SCFD2: variants seen among roughly 807,000 people sequenced by gnomAD.
SCFD2 encodes the protein sec1 family domain containing 2.
In SCFD2, 54 loss-of-function variants were observed where a neutral mutation model predicts 58.9. The ratio of observed to expected loss-of-function variants is 0.92; its 90% CI spans 0.74 to 1.15. The LOEUF (loss-of-function observed/expected upper bound fraction) is 1.15. SCFD2 is among the 50% of genes most tolerant of loss of function. The probability of loss-of-function intolerance (pLI) is 0.00; values close to 1 mark genes in which losing one functional copy is unlikely to be tolerated. For synonymous variants in SCFD2, 321 were observed against 335.9 expected, an observed-to-expected ratio of 0.96 and a Z score of 0.49; for missense variants, 805 against 836.6, an observed-to-expected ratio of 0.96 and a Z score of 0.47.
At chr4:53,302,991 A>G (rs1208430959) in intron 3 of SCFD2, among the ~76,000 whole-genome samples, 2 of 152,340 alleles carry the variant, frequency 1.3e-5, no homozygotes, top group African/African-American at 4.8e-5. Flanking sequence ...CTAAAACCAT[A>G]AAAACCCTAG....
chr4:53,016,112 G>C (rs900482626), intron 5 of SCFD2, among the ~76,000 whole-genome samples: 5 of 152,118 alleles, frequency 3.3e-5, no homozygotes, highest in African/African-American at 1.2e-4. Context: ...AAACAAACAA[G>C]CACATAAAAT....
intron 2 of SCFD2, among the ~76,000 whole-genome samples, chr4:53,343,172 C>T (rs960153403): frequency 2.0e-5 from 3 of 152,082 alleles, no homozygotes; most frequent in African/African-American, 4.8e-5. Context: ...AATCCAGGAG[C>T]TGGTTTTCTG....
At chr4:53,230,003 CA>C (rs1246474171) in intron 4 of SCFD2, among the ~76,000 whole-genome samples, 1 of 151,848 alleles carries the variant, frequency 6.6e-6, no homozygotes, top group Non-Finnish European at 1.5e-5. Context: ...TTTATGCAGC[CA>C]AAAAAACACA....
intron 4 of SCFD2, among the ~76,000 whole-genome samples, chr4:53,212,047 C>A (rs1728628792): frequency 6.6e-6 from 1 of 152,184 alleles, no homozygotes; most frequent in East Asian, 1.9e-4. Context: ...TTCCCTTCTT[C>A]AGTTACCTTA....
intron 4 of SCFD2, among the ~76,000 whole-genome samples, chr4:53,257,859 C>A (rs1387038691): frequency 6.6e-6 from 1 of 151,820 alleles, no homozygotes; most frequent in East Asian, 1.9e-4. Flanking sequence ...CTGCATTATG[C>A]ATGCTCTCTT....
chr4:52,963,637 T>C (rs1006562178), intron 5 of SCFD2, among the ~76,000 whole-genome samples: 1 of 152,204 alleles, frequency 6.6e-6, no homozygotes, highest in African/African-American at 2.4e-5. Flanking sequence ...CTCCATCAAA[T>C]GAACTCAAAT....
intron 4 of SCFD2, among the ~76,000 whole-genome samples, chr4:53,177,679 G>A (rs1402560608): frequency 1.3e-5 from 2 of 152,212 alleles, no homozygotes; most frequent in Non-Finnish European, 2.9e-5. Context: ...GGCAGTGGGT[G>A]CAGCGCACCG....
chr4:52,892,858 C>G (rs755646805), intron 7 of SCFD2, among the ~76,000 whole-genome samples: 25 of 152,202 alleles, frequency 1.6e-4, no homozygotes, highest in Non-Finnish European at 3.1e-4. Flanking sequence ...AGAGCCTCTC[C>G]ATCACTGCAC....
chr4:53,064,342 T>C (rs1723597974), intron 5 of SCFD2, among the ~76,000 whole-genome samples: 1 of 152,094 alleles, frequency 6.6e-6, no homozygotes, highest in East Asian at 1.9e-4. Context: ...CATACCATTT[T>C]GATTAAATAC....
intron 4 of SCFD2, among the ~76,000 whole-genome samples, chr4:53,250,521 G>T (rs1730323559): frequency 6.6e-6 from 1 of 152,096 alleles, no homozygotes; most frequent in South Asian, 2.1e-4. Context: ...AAATGTAAAA[G>T]AACAGAAATT....
rs181439733 is a variant in SCFD2, at chr4:53,052,897, G to A, written c.1561+92436C>T. Among the ~76,000 whole-genome samples, 92 of 152,192 alleles carry A rather than the reference G, an allele frequency of 6.0e-4. 1 individual carries two copies. Among genetic ancestry groups the A allele is most frequent in the Non-Finnish European group, 2.2e-4 (15 of 67,992 alleles). On this transcript the variant is annotated intron_variant, in intron 5 of 8. Transcript: ENST00000401642. ...AGAAGCCAGACACAAAAGAGCACAC[G>A]CTGTATGATTCCAGTTACATGAAGC...
intron 5 of SCFD2, among the ~76,000 whole-genome samples, chr4:53,073,862 A>G (rs1415263875): frequency 1.3e-5 from 2 of 152,218 alleles, no homozygotes; most frequent in Non-Finnish European, 2.9e-5. Context: ...GCTAATGATT[A>G]TCTGAGCTTT....
chr4:53,330,336 A>C (rs921298115), intron 2 of SCFD2, among the ~76,000 whole-genome samples: 8 of 151,832 alleles, frequency 5.3e-5, no homozygotes, highest in Non-Finnish European at 1.0e-4. Flanking sequence ...TGTTCAGGGC[A>C]GCCAGAGAGA....
At chr4:53,193,223 C>A (rs1481210385) in intron 4 of SCFD2, among the ~76,000 whole-genome samples, 1 of 152,082 alleles carries the variant, frequency 6.6e-6, no homozygotes, top group Non-Finnish European at 1.5e-5. Context: ...GAAACTAAGA[C>A]AAATGTTGAT....
intron 5 of SCFD2, chr4:52,957,853 T>C (rs1401000499): frequency 6.6e-6 from 1 of 152,244 alleles, no homozygotes; most frequent in Admixed American, 6.5e-5. Flanking sequence ...AGACCGAGGT[T>C]ATACTTACAT....
chr4:53,100,786 T>C (rs1477280298), intron 5 of SCFD2, among the ~76,000 whole-genome samples: 2 of 152,184 alleles, frequency 1.3e-5, no homozygotes, highest in Admixed American at 6.6e-5. Flanking sequence ...TTTTTAAGTA[T>C]TTTTCAGTAT....
chr4:53,163,108 G>A (rs1726903464), intron 4 of SCFD2, among the ~76,000 whole-genome samples: 1 of 152,014 alleles, frequency 6.6e-6, no homozygotes, highest in Admixed American at 6.6e-5. Context: ...CAGTGGAGCC[G>A]GGACAAGGCC....
chr4:53,043,056 C>T (rs1722938823), intron 5 of SCFD2, among the ~76,000 whole-genome samples: 1 of 152,132 alleles, frequency 6.6e-6, no homozygotes, highest in Non-Finnish European at 1.5e-5. Flanking sequence ...CCATTTCTGA[C>T]CACGGCAGTG....
At chr4:53,332,831 T>A (rs528506692) in intron 2 of SCFD2, among the ~76,000 whole-genome samples, 416 of 150,974 alleles carry the variant, frequency 2.8e-3, no homozygotes, top group African/African-American at 8.9e-3. Context: ...GACGACATGA[T>A]TGTATATCTA....
Sources: allele counts gnomAD v4.1 joint callset (sites outside exome capture counted in the v4.1 genomes callset), GRCh38; gene constraint gnomAD v4.1.1; transcripts MANE v1.5; gene names NCBI Gene and HGNC (gene_info 2026-07-23, HGNC 2026-07-21).